ADAMTS18: variants seen among roughly 807,000 people sequenced by gnomAD.
ADAMTS18 encodes the protein A disintegrin and metalloproteinase with thrombospondin motifs 18.
ADAMTS18 carries 157 observed loss-of-function variants against 165.9 expected under a neutral mutation model. The ratio of observed to expected loss-of-function variants is 0.95; its 90% CI spans 0.83 to 1.08. The LOEUF is 1.08. Among genes scored for constraint, ADAMTS18 ranks in the 50% least tolerant of loss-of-function variants. The pLI is 0.00. For synonymous variants in ADAMTS18, 782 were observed against 578.2 expected, an observed-to-expected ratio of 1.35 and a Z score of -5.06; for missense variants, 2,040 against 1,534.0, an observed-to-expected ratio of 1.33 and a Z score of -5.51.
intron 4 of ADAMTS18, among the ~76,000 whole-genome samples, chr16:77,365,767 C>G (rs181452894): frequency 1.2e-4 from 18 of 152,220 alleles, no homozygotes; most frequent in African/African-American, 4.1e-4. Flanking sequence ...TAACACTGGT[C>G]CAGCCGTAAT....
intron 3 of ADAMTS18, among the ~76,000 whole-genome samples, chr16:77,370,935 T>C (rs191526675): frequency 1.3e-5 from 2 of 152,176 alleles, no homozygotes; most frequent in African/African-American, 4.8e-5. Flanking sequence ...TGTTCATGGA[T>C]TGAAAGAATA....
chr16:77,383,784 G>A (rs1029382109), intron 3 of ADAMTS18, among the ~76,000 whole-genome samples: 2 of 152,000 alleles, frequency 1.3e-5, no homozygotes, highest in Admixed American at 6.5e-5. Flanking sequence ...ATCGTGATCC[G>A]CCCTCCTTGA....
chr16:77,412,163 G>C (rs1246060831), intron 3 of ADAMTS18, among the ~76,000 whole-genome samples: 1 of 152,106 alleles, frequency 6.6e-6, no homozygotes, highest in Non-Finnish European at 1.5e-5. Context: ...AAAAGACTGA[G>C]TAAGGAAGAA....
chr16:77,303,024 A>G (rs542139735), intron 16 of ADAMTS18, among the ~76,000 whole-genome samples: 2 of 152,298 alleles, frequency 1.3e-5, no homozygotes, highest in Non-Finnish European at 2.9e-5. Flanking sequence ...GGGAACTCAC[A>G]CAATCTCCCA....
chr16:77,418,793 A>G (rs1304117365), intron 3 of ADAMTS18, among the ~76,000 whole-genome samples: 1 of 152,220 alleles, frequency 6.6e-6, no homozygotes, highest in East Asian at 1.9e-4. Context: ...GGCACTATAG[A>G]TATTTTCTGT....
intron 3 of ADAMTS18, among the ~76,000 whole-genome samples, chr16:77,411,522 G>A (rs1264702668): frequency 2.0e-5 from 3 of 152,020 alleles, no homozygotes; most frequent in Admixed American, 6.6e-5. Context: ...TAGTACAGGA[G>A]ACAGGCATTA....
At chr16:77,341,464 C>T (rs1280991828) in intron 11 of ADAMTS18, among the ~76,000 whole-genome samples, 1 of 151,690 alleles carries the variant, frequency 6.6e-6, no homozygotes, top group East Asian at 1.9e-4. Flanking sequence ...TATTTTGAGC[C>T]AAGCCACCAT....
chr16:77,363,944 C>A, intron 5 of ADAMTS18, 59 bp from the exon 6 acceptor site: 1 of 1,500,564 alleles, frequency 6.7e-7, no homozygotes, highest in South Asian at 1.1e-5. Context: ...TAGGGGGAAT[C>A]AATCAGACAT....
rs779044132 is a variant in ADAMTS18 at position 77,297,369 on chromosome 16, T to G, written c.2721A>C (p.Gln907His). 7 of 1,613,764 alleles carry G rather than the reference T, an allele frequency of 4.3e-6. No individual in the cohort carries two copies. The South Asian group carries it at 6.6e-5, about 15-fold the overall frequency. ...KAICLRDQNT[Q>H]VNSSFCSAKT... The stretch of plus-strand genomic sequence containing the variant: ...TTGCACTGCAGAATGAGGAATTGAC[T>G]TGAGTATTTTGATCTCGCAAGCAAA... Residue 907 changes from glutamine (Q) to histidine (H), a missense_variant, in exon 18 of 23, where the codon CAA becomes CAC. Coordinates refer to ENST00000282849, the MANE Select transcript of ADAMTS18 (RefSeq NM_199355.4).
At chr16:77,298,916 G>A (rs1157892477) in intron 17 of ADAMTS18, among the ~76,000 whole-genome samples, 2 of 152,370 alleles carry the variant, frequency 1.3e-5, no homozygotes, top group South Asian at 2.1e-4. Flanking sequence ...TGAGTCATGC[G>A]AAGGGGTTGC....
At chr16:77,327,721 G>C (rs941123237) in intron 12 of ADAMTS18, among the ~76,000 whole-genome samples, 1 of 152,124 alleles carries the variant, frequency 6.6e-6, no homozygotes, top group Non-Finnish European at 1.5e-5. Flanking sequence ...ATGTGTGCTC[G>C]TCTGCTACAT....
intron 21 of ADAMTS18, 198 bp downstream of exon 21, chr16:77,291,068 T>G (rs1264023221): frequency 1.6e-6 from 1 of 610,896 alleles, no homozygotes; most frequent in Non-Finnish European, 2.9e-6. Flanking sequence ...ATAATGATTT[T>G]CTAGATGTGA....
intron 16 of ADAMTS18, among the ~76,000 whole-genome samples, chr16:77,300,800 A>G (rs1426877037): frequency 6.6e-6 from 1 of 152,196 alleles, no homozygotes; most frequent in Non-Finnish European, 1.5e-5. Context: ...GTCGTACCCT[A>G]CAGAAAATAG....
chr16:77,397,625 G>C (rs528836589), intron 3 of ADAMTS18, among the ~76,000 whole-genome samples: 46 of 152,242 alleles, frequency 3.0e-4, no homozygotes, highest in African/African-American at 1.1e-3. Context: ...AAGAAAATAG[G>C]ATTTATACAA....
intron 3 of ADAMTS18, among the ~76,000 whole-genome samples, chr16:77,370,723 G>A (rs538314686): frequency 1.3e-5 from 2 of 151,910 alleles, no homozygotes; most frequent in Admixed American, 6.6e-5. Context: ...GCACTCCAGC[G>A]TGGGCATTAA....
intron 18 of ADAMTS18, among the ~76,000 whole-genome samples, chr16:77,296,985 T>A (rs1286933425): frequency 1.3e-5 from 2 of 152,168 alleles, no homozygotes; most frequent in African/African-American, 4.8e-5. Flanking sequence ...TTTAAAAAAA[T>A]TTCTTTTAGA....
At chr16:77,419,352 T>C (rs1391493902) in intron 3 of ADAMTS18, among the ~76,000 whole-genome samples, 1 of 152,112 alleles carries the variant, frequency 6.6e-6, no homozygotes, top group African/African-American at 2.4e-5. Flanking sequence ...TGAAGCCCCC[T>C]TTCCCTGCTG....
intron 2 of ADAMTS18, among the ~76,000 whole-genome samples, chr16:77,432,604 C>T (rs1275288994): frequency 6.6e-6 from 1 of 152,176 alleles, no homozygotes; most frequent in African/African-American, 2.4e-5. Context: ...GCCTGCATTT[C>T]CACTTTCAAG....
At chr16:77,309,714 G>A (rs927319296) in intron 16 of ADAMTS18, among the ~76,000 whole-genome samples, 7 of 152,164 alleles carry the variant, frequency 4.6e-5, no homozygotes, top group African/African-American at 1.7e-4. Context: ...ACTGACAGCA[G>A]TCAATTATTT....
Sources: allele counts gnomAD v4.1 joint callset (sites outside exome capture counted in the v4.1 genomes callset), GRCh38; gene constraint gnomAD v4.1.1; transcripts MANE v1.5; gene names NCBI Gene and HGNC (gene_info 2026-07-23, HGNC 2026-07-21).